TARS3: variants seen among roughly 807,000 people sequenced by gnomAD.
TARS3 encodes the protein threonyl-tRNA synthetase 3.
Under a neutral mutation model 103.5 loss-of-function variants are expected in TARS3, and 94 were observed. The ratio of observed to expected loss-of-function variants is 0.91; its 90% CI spans 0.77 to 1.08. The LOEUF is 1.08. Ranked by LOEUF, TARS3 falls within the 50% of genes least tolerant of loss-of-function variation. The probability of loss-of-function intolerance (pLI) is 0.00; values close to 1 mark genes in which losing one functional copy is unlikely to be tolerated. For missense variants in TARS3, 952 were observed against 995.2 expected, an observed-to-expected ratio of 0.96 and a Z score of 0.58; for synonymous variants, 416 against 355.4, an observed-to-expected ratio of 1.17 and a Z score of -1.92.
At chr15:101,719,609 A>T (rs973576768) in intron 3 of TARS3, among the ~76,000 whole-genome samples, 6 of 152,196 alleles carry the variant, frequency 3.9e-5, no homozygotes, top group Non-Finnish European at 7.3e-5. Flanking sequence ...ACTAAATGTG[A>T]GCTAAGAGGA....
At chr15:101,663,543 CTATATT>C (rs1323707351) in intron 15 of TARS3, among the ~76,000 whole-genome samples, 1 of 152,198 alleles carries the variant, frequency 6.6e-6, no homozygotes, top group Admixed American at 6.5e-5. Context: ...GGATGCATGA[CTATATT>C]TATATTTATT....
At chr15:101,681,865 A>C (rs1001544527) in intron 12 of TARS3, among the ~76,000 whole-genome samples, 1 of 152,160 alleles carries the variant, frequency 6.6e-6, no homozygotes, top group Non-Finnish European at 1.5e-5. Flanking sequence ...CCATAGCAAC[A>C]TATTTGTCAG....
Position 101,654,962 on chromosome 15 carries a change from G to A in TARS3, c.2261-232C>T, listed in dbSNP as rs532323188. ...ACAGCTCTTGTGGTCCTGGGGTGCA[G>A]ATGAGAGGGGGGAGCTCTTACAGAC... On this transcript the variant is annotated intron_variant, in intron 18 of 18. Transcript: ENST00000335968. 7.2e-5 allele frequency among the ~76,000 whole-genome samples: 11 copies of A among 152,180 alleles called. No homozygotes were observed. In the South Asian group the frequency reaches 2.3e-3, roughly 32 times the overall value.
At chr15:101,717,712 T>C (rs1017691843) in intron 3 of TARS3, among the ~76,000 whole-genome samples, 4 of 152,230 alleles carry the variant, frequency 2.6e-5, no homozygotes, top group Non-Finnish European at 4.4e-5. Flanking sequence ...AGCAACAAGA[T>C]GGGAGAAATC....
intron 12 of TARS3, among the ~76,000 whole-genome samples, chr15:101,676,036 G>A (rs185302895): frequency 1.1e-4 from 17 of 152,340 alleles, no homozygotes; most frequent in Admixed American, 1.0e-3. Context: ...CAGGGGACAA[G>A]CAAACGCTCT....
At chr15:101,666,876 G>C (rs1897599983) in intron 15 of TARS3, among the ~76,000 whole-genome samples, 1 of 152,192 alleles carries the variant, frequency 6.6e-6, no homozygotes, top group African/African-American at 2.4e-5. Flanking sequence ...CATGTACTAT[G>C]ATTGAAAACA....
Position 101,662,261 on chromosome 15 carries a change from T to C in TARS3, c.1968-445A>G, listed in dbSNP as rs1897410071. The stretch of plus-strand genomic sequence containing the variant: ...GTATCTTACATTTAATTATTCCCTC[T>C]TCCCCTTAGGAAAAAAAAATGAAAA... On this transcript the variant is annotated intron_variant, in intron 15 of 18. Transcript: ENST00000335968. Among the ~76,000 whole-genome samples, 4 of 151,872 alleles carry C rather than the reference T, an allele frequency of 2.6e-5. No homozygotes were observed. The South Asian group carries it at 8.3e-4, about 32-fold the overall frequency.
chr15:101,693,623 A>G (rs771606477), intron 10 of TARS3, among the ~76,000 whole-genome samples: 6 of 152,330 alleles, frequency 3.9e-5, no homozygotes, highest in Admixed American at 6.5e-5. Flanking sequence ...AGCAGTTTTC[A>G]TAACTGCCAA....
chr15:101,717,873 A>G (rs1463654859), intron 3 of TARS3, among the ~76,000 whole-genome samples: 1 of 152,224 alleles, frequency 6.6e-6, no homozygotes, highest in Non-Finnish European at 1.5e-5. Context: ...ATATATCTTA[A>G]GTAATACAGA....
At chr15:101,703,095 C>G (rs570261186) in intron 8 of TARS3, among the ~76,000 whole-genome samples, 1 of 152,284 alleles carries the variant, frequency 6.6e-6, no homozygotes, top group African/African-American at 2.4e-5. Context: ...GTAAGAAAAT[C>G]AAAGCCAAGA....
rs1439726718 is a variant in TARS3 at position 101,724,358 on chromosome 15, G to A, written c.30C>T (p.Ala10=). The A allele has an allele frequency of 3.9e-6, 6 of 1,540,132 alleles. No homozygotes were observed. The highest frequency in any genetic ancestry group is 1.9e-5 in the Admixed American group (1 of 52,554). MAAEALAAE[A]VASRLERQEE... ...CCTGCCGCTCCAGGCGCGACGCCAC[G>A]GCCTCCGCCGCCAGGGCCTCGGCCG... Residue 10 remains alanine (A), a synonymous_variant, in exon 1 of 19, where the codon GCC becomes GCT. Coordinates refer to ENST00000335968, the MANE Select transcript of TARS3 (RefSeq NM_152334.3).
intron 7 of TARS3, 97 bp from the exon 8 acceptor site, chr15:101,704,034 CTTAT>C (rs1899417582): frequency 2.4e-6 from 2 of 840,686 alleles, no homozygotes; most frequent in African/African-American, 3.5e-5. Context: ...TAGAGCTTCA[CTTAT>C]TTATATGTAG....
intron 15 of TARS3, among the ~76,000 whole-genome samples, chr15:101,662,294 T>C (rs1897412632): frequency 6.6e-6 from 1 of 152,092 alleles, no homozygotes; most frequent in East Asian, 1.9e-4. Flanking sequence ...AAAAAGCAAA[T>C]GATGACTTAA....
chr15:101,662,928 C>G (rs1897437440), intron 15 of TARS3, among the ~76,000 whole-genome samples: 1 of 152,142 alleles, frequency 6.6e-6, no homozygotes. Context: ...CAAATTCCCC[C>G]AAAATAACCC....
At chr15:101,702,469 A>G (rs962818890) in intron 8 of TARS3, 84 bp from the exon 9 acceptor site, 45 of 1,195,724 alleles carry the variant, frequency 3.8e-5, no homozygotes, top group Non-Finnish European at 5.4e-5. Flanking sequence ...GCAATTTTCC[A>G]CTATCATATC....
chr15:101,718,457 G>A (rs1900275589), intron 3 of TARS3, among the ~76,000 whole-genome samples: 1 of 152,126 alleles, frequency 6.6e-6, no homozygotes, highest in South Asian at 2.1e-4. Flanking sequence ...AGGTGGAAGG[G>A]ATAGGGAGGC....
intron 15 of TARS3, among the ~76,000 whole-genome samples, chr15:101,664,887 A>G (rs1897518302): frequency 6.6e-6 from 1 of 152,186 alleles, no homozygotes; most frequent in African/African-American, 2.4e-5. Flanking sequence ...GAGTGACTGG[A>G]AAGACCAAAG....
intron 7 of TARS3, among the ~76,000 whole-genome samples, chr15:101,704,541 G>T (rs934736402): frequency 6.6e-6 from 1 of 151,802 alleles, no homozygotes; most frequent in African/African-American, 2.4e-5. Context: ...TGTAATCCCA[G>T]CTACTTGGGA....
At chr15:101,723,215 C>T (rs763733683) in intron 1 of TARS3, 51 bp from the exon 2 acceptor site, 27 of 1,541,026 alleles carry the variant, frequency 1.8e-5, no homozygotes, top group Admixed American at 5.0e-5. Flanking sequence ...AAAAGCAACA[C>T]ATTTTAAGAA....
Sources: allele counts gnomAD v4.1 joint callset (sites outside exome capture counted in the v4.1 genomes callset), GRCh38; gene constraint gnomAD v4.1.1; transcripts MANE v1.5; gene names NCBI Gene and HGNC (gene_info 2026-07-23, HGNC 2026-07-21).